The following DCC variants were observed in gnomAD, a reference collection of about 807,000 sequenced individuals.
DCC encodes DCC netrin 1 receptor, also known as netrin receptor DCC.
Under a neutral mutation model 172.5 loss-of-function variants are expected in DCC, and 58 were observed. The observed-to-expected ratio is 0.34, with a 90% confidence interval of 0.27 to 0.42. The LOEUF (loss-of-function observed/expected upper bound fraction) is 0.42. DCC is among the 10% of genes least tolerant of loss of function. The probability of loss-of-function intolerance (pLI) is 1.00; values close to 1 mark genes in which losing one functional copy is unlikely to be tolerated. For synonymous variants in DCC, 709 were observed against 644.5 expected (o/e 1.10, Z -1.52); for missense variants, 1,740 against 1,791.0 (o/e 0.97, Z 0.51).
intron 1 of DCC, among the ~76,000 whole-genome samples, chr18:52,566,717 A>T (rs1006513568): frequency 6.6e-6 from 1 of 152,144 alleles, no homozygotes; most frequent in Admixed American, 6.6e-5. Flanking sequence ...CACGAGACTG[A>T]AGAAGGCCTA....
chr18:52,955,319 C>T (rs1345575584), intron 5 of DCC, among the ~76,000 whole-genome samples: 4 of 151,838 alleles, frequency 2.6e-5, no homozygotes, highest in Non-Finnish European at 5.9e-5. Context: ...AGTATGTAGC[C>T]TTTTAAAATT....
chr18:53,328,142 C>T (rs1441370958), intron 14 of DCC, among the ~76,000 whole-genome samples: 1 of 152,164 alleles, frequency 6.6e-6, no homozygotes, highest in Non-Finnish European at 1.5e-5. Flanking sequence ...AAGGATGGCA[C>T]AGGTTGCTTT....
chr18:52,751,082 T>C (rs1401901192), intron 1 of DCC, among the ~76,000 whole-genome samples: 1 of 152,176 alleles, frequency 6.6e-6, no homozygotes, highest in East Asian at 1.9e-4. Flanking sequence ...TTAAAATGAT[T>C]AAATATTGAA....
chr18:52,870,038 G>C (rs1349599844), intron 2 of DCC, among the ~76,000 whole-genome samples: 1 of 151,968 alleles, frequency 6.6e-6, no homozygotes, highest in Admixed American at 6.5e-5. Context: ...CTCCAAGCCC[G>C]ACCACACTGT....
intron 1 of DCC, among the ~76,000 whole-genome samples, chr18:52,502,301 AT>A (rs2144629313): frequency 6.6e-6 from 1 of 152,304 alleles, no homozygotes; most frequent in South Asian, 2.1e-4. Context: ...GGACAAGAAT[AT>A]TGACTATATC....
chr18:53,414,425 G>T (rs1404019679), intron 20 of DCC, among the ~76,000 whole-genome samples: 1 of 152,116 alleles, frequency 6.6e-6, no homozygotes, highest in East Asian at 1.9e-4. Context: ...TGGCTTTGAA[G>T]GTGGTGATGG....
intron 1 of DCC, among the ~76,000 whole-genome samples, chr18:52,458,806 CA>C (rs1425971593): frequency 1.3e-5 from 2 of 151,956 alleles, no homozygotes; most frequent in African/African-American, 4.8e-5. Flanking sequence ...TAAGAAATAA[CA>C]AAAAAACTCC....
Position 52,856,644 on chromosome 18 carries a change from G to C in DCC, c.413-49400G>C, listed in dbSNP as rs377631378. ...CCATCTCAAAAAAAAAAAAAAAAAA[G>C]AAAACAAAATGGCAATATATATTAT... On this transcript the variant is annotated intron_variant, in intron 2 of 28. Coordinates refer to ENST00000442544, the MANE Select transcript of DCC (RefSeq NM_005215.4). Among the ~76,000 whole-genome samples the C allele has an allele frequency of 3.2e-3, 287 of 88,554 alleles. 2 individuals carry two copies. Among genetic ancestry groups the C allele is most frequent in the Non-Finnish European group, 5.6e-3 (232 of 41,156 alleles). The allele number at this position is 88,554 out of a possible 152,430, so 58.1% of individuals were successfully genotyped here. A position where few individuals can be genotyped will look rare whatever the true frequency, so the allele number is the denominator to read the frequency against.
chr18:52,808,402 C>CTTT (rs11382141), intron 2 of DCC, among the ~76,000 whole-genome samples: 10 of 146,072 alleles, frequency 6.8e-5, no homozygotes, highest in African/African-American at 1.3e-4. Flanking sequence ...CAAGATTTGG[C>CTTT]TTTTTTTTTT....
intron 1 of DCC, among the ~76,000 whole-genome samples, chr18:52,652,510 A>G (rs2035154767): frequency 6.6e-6 from 1 of 152,178 alleles, no homozygotes; most frequent in African/African-American, 2.4e-5. Flanking sequence ...AAGGTCACAG[A>G]AAGTTGAGCA....
chr18:52,773,892 A>G (rs774644852), intron 2 of DCC, among the ~76,000 whole-genome samples: 1 of 152,198 alleles, frequency 6.6e-6, no homozygotes, highest in Non-Finnish European at 1.5e-5. Context: ...AATTTGTAGG[A>G]AAGATAAATC....
At chr18:53,356,534 T>C (rs2144919929) in intron 15 of DCC, among the ~76,000 whole-genome samples, 1 of 152,302 alleles carries the variant, frequency 6.6e-6, no homozygotes, top group Non-Finnish European at 1.5e-5. Flanking sequence ...GGATAGTTTG[T>C]GCCACTACTG....
At chr18:52,926,073 T>C (rs974948057) in intron 5 of DCC, among the ~76,000 whole-genome samples, 1 of 151,912 alleles carries the variant, frequency 6.6e-6, no homozygotes, top group Non-Finnish European at 1.5e-5. Flanking sequence ...GCCTTAACAT[T>C]TGGATTTCAG....
At position 53,529,034 on chromosome 18, in the gene DCC, TCTCTCACACA is replaced by T. The variant is rs1486028602; in HGVS notation, c.4255-1528_4255-1519del. Among the ~76,000 whole-genome samples, 237 of 64,364 alleles carry T rather than the reference TCTCTCACACA, an allele frequency of 3.7e-3. No homozygotes were observed. In the East Asian group the frequency reaches 0.046, roughly 12 times the overall value. 42.2% of individuals were successfully genotyped at this position (64,364 alleles called of 152,430 possible). A position where few individuals can be genotyped will look rare whatever the true frequency, so the allele number is the denominator to read the frequency against. On this transcript the variant is annotated intron_variant, in intron 28 of 28. Transcript: ENST00000442544. ...CTCTCTCTCTCTCTCTCTCTCTCTC[TCTCTCACACA>T]CACACACACACACACACACACACAC...
At chr18:53,476,903 T>A (rs2045769912) in intron 25 of DCC, among the ~76,000 whole-genome samples, 2 of 152,374 alleles carry the variant, frequency 1.3e-5, no homozygotes, top group South Asian at 2.1e-4. Context: ...TGTATATTTT[T>A]AAATAACTTG....
At chr18:52,381,117 T>A (rs1985566131) in intron 1 of DCC, among the ~76,000 whole-genome samples, 1 of 152,142 alleles carries the variant, frequency 6.6e-6, no homozygotes, top group South Asian at 2.1e-4. Flanking sequence ...GAATAATTAG[T>A]GTTGCTGAAT....
intron 5 of DCC, among the ~76,000 whole-genome samples, chr18:53,056,292 A>T (rs1007695181): frequency 6.6e-6 from 1 of 152,074 alleles, no homozygotes; most frequent in African/African-American, 2.4e-5. Flanking sequence ...CTATCATGAG[A>T]ACAGCATGGG....
At chr18:52,511,498 G>A (rs2031438472) in intron 1 of DCC, among the ~76,000 whole-genome samples, 2 of 152,154 alleles carry the variant, frequency 1.3e-5, no homozygotes, top group South Asian at 4.1e-4. Context: ...AGGGGTTGAG[G>A]TTGTACTCCC....
At chr18:52,399,836 C>A (rs1001485415) in intron 1 of DCC, among the ~76,000 whole-genome samples, 1 of 151,850 alleles carries the variant, frequency 6.6e-6, no homozygotes, top group Non-Finnish European at 1.5e-5. Flanking sequence ...TTATTAATAT[C>A]GTTAGCATTT....
Sources: gnomAD v4.1 joint callset for allele counts (sites outside exome capture counted in the v4.1 genomes callset) on GRCh38, gnomAD v4.1.1 for gene constraint, MANE v1.5 for transcripts, NCBI Gene and HGNC (gene_info 2026-07-23, HGNC 2026-07-21) for gene names.